The following MGAT4C variants were observed in gnomAD, a reference collection of about 807,000 sequenced individuals.
MGAT4C encodes the protein MGAT4 family member C.
In MGAT4C, 19 loss-of-function variants were observed where a neutral mutation model predicts 40.1. The observed-to-expected ratio is 0.47, with a 90% CI of 0.33 to 0.70. The LOEUF (loss-of-function observed/expected upper bound fraction) is 0.70. MGAT4C is among the 30% of genes least tolerant of loss of function. The pLI, the probability that MGAT4C is intolerant of heterozygous loss-of-function variation, is 0.02. For synonymous variants in MGAT4C, 181 were observed against 187.1 expected (o/e 0.97, Z 0.27); for missense variants, 491 against 563.2 (o/e 0.87, Z 1.30).
In MGAT4C at chr12:86,499,088, A is replaced by G. The variant is rs78331120; in HGVS notation, c.-228-63823T>C. Among the ~76,000 whole-genome samples, 63 of 151,820 alleles carry G rather than the reference A, an allele frequency of 4.1e-4. No individual in the cohort carries two copies. In the East Asian group the frequency reaches 0.011, roughly 27 times the overall value. On this transcript the variant is annotated intron_variant, in intron 2 of 7. Transcript: ENST00000548651. Reference sequence around the variant, plus strand: ...TTAGAAATGTTGTCTTTTTTATTTTACTTTGTGTTAAGAATACAGTATGTA... The same window carrying G: ...TTAGAAATGTTGTCTTTTTTATTTTGCTTTGTGTTAAGAATACAGTATGTA...
At chr12:86,821,257 G>T (rs537632241) in intron 1 of MGAT4C, among the ~76,000 whole-genome samples, 40 of 150,874 alleles carry the variant, frequency 2.7e-4, no homozygotes, top group African/African-American at 9.2e-4. Context: ...AACTATAAAA[G>T]TTCCTGTCCA....
At chr12:86,739,857 AACAC>A (rs751754678) in intron 1 of MGAT4C, among the ~76,000 whole-genome samples, 4 of 149,154 alleles carry the variant, frequency 2.7e-5, no homozygotes, top group Middle Eastern at 3.4e-3. Context: ...TATGCACACA[AACAC>A]ACACACACAC....
At chr12:86,319,011 C>T (rs1483686868) in intron 4 of MGAT4C, among the ~76,000 whole-genome samples, 2 of 152,104 alleles carry the variant, frequency 1.3e-5, no homozygotes, top group Non-Finnish European at 2.9e-5. Flanking sequence ...ACATCTATCA[C>T]CCAAGCTCTA....
chr12:86,484,958 C>G (rs1048574457), intron 2 of MGAT4C, among the ~76,000 whole-genome samples: 1 of 152,136 alleles, frequency 6.6e-6, no homozygotes, highest in Non-Finnish European at 1.5e-5. Flanking sequence ...CTCTTAAGCA[C>G]CATCTACTAG....
At position 86,580,074 on chromosome 12, in the gene MGAT4C, GAT is replaced by G. The variant is rs933857185; in HGVS notation, c.-228-144811_-228-144810del. 4.0e-5 allele frequency among the ~76,000 whole-genome samples: 6 copies of G among 151,340 alleles called. No homozygotes were observed. In the Admixed American group the frequency reaches 4.0e-4, roughly 10 times the overall value. ...TATAATCTTCTTGTACTTGGATATT[GAT>G]ATCTTTCTCTAGGTTTGGGATTAAA... is the stretch of plus-strand genomic sequence containing the variant. On this transcript the variant is annotated intron_variant, in intron 2 of 7. Transcript: ENST00000548651.
chr12:86,052,594 T>G (rs1027391451), intron 1 of MGAT4C, among the ~76,000 whole-genome samples: 7 of 151,972 alleles, frequency 4.6e-5, no homozygotes, highest in African/African-American at 1.7e-4. Flanking sequence ...TTGACCACAC[T>G]ACATCACTCA....
At chr12:86,373,031 A>G (rs1350506316) in intron 3 of MGAT4C, among the ~76,000 whole-genome samples, 1 of 151,394 alleles carries the variant, frequency 6.6e-6, no homozygotes, top group Non-Finnish European at 1.5e-5. Flanking sequence ...AAGGCAAAAG[A>G]AGGCAACAAT....
chr12:85,999,516 A>G (rs1383327109), intron 2 of MGAT4C, among the ~76,000 whole-genome samples: 2 of 151,946 alleles, frequency 1.3e-5, no homozygotes, highest in Non-Finnish European at 2.9e-5. Context: ...ACAATAGCCA[A>G]GATAAGGAAT....
At chr12:86,147,842 A>T (rs888312805) in intron 1 of MGAT4C, among the ~76,000 whole-genome samples, 3 of 152,168 alleles carry the variant, frequency 2.0e-5, no homozygotes. Context: ...GTAAATTATG[A>T]TATATAGGTA....
intron 1 of MGAT4C, among the ~76,000 whole-genome samples, chr12:86,087,517 T>C (rs1872090042): frequency 1.3e-5 from 2 of 152,060 alleles, no homozygotes; most frequent in South Asian, 4.1e-4. Context: ...AGTTTGGACA[T>C]TGTTGGTGTA....
At chr12:86,585,836 C>G (rs149290246) in intron 2 of MGAT4C, among the ~76,000 whole-genome samples, 251 of 150,426 alleles carry the variant, frequency 1.7e-3, no homozygotes, top group African/African-American at 5.7e-3. Flanking sequence ...GAGCTGATCA[C>G]CTTTTAACTG....
rs943418862 is a variant in MGAT4C at position 85,960,496 on chromosome 12, G to A, written c.*18793C>T. ...AAAAATGTAAAACAACAATTAGCAT[G>A]TGACATGCTCTCAGCAAATCAATTA... On this transcript the variant is annotated 3_prime_UTR_variant, in exon 5 of 5. Transcript: ENST00000611864. 1.3e-5 allele frequency: 2 copies of A among 151,990 alleles called. No homozygotes were observed. The highest frequency in any genetic ancestry group is 4.8e-5 in the African/African-American group (2 of 41,438). The allele number at this position is 151,990 out of a possible 1,614,324, so 9.4% of individuals were successfully genotyped here.
chr12:86,812,746 A>G (rs1952501860), intron 1 of MGAT4C, among the ~76,000 whole-genome samples: 1 of 152,032 alleles, frequency 6.6e-6, no homozygotes, highest in Admixed American at 6.6e-5. Flanking sequence ...GAAGAGTCTC[A>G]GGTCTACTAA....
At chr12:86,690,536 G>A (rs574144543) in intron 2 of MGAT4C, among the ~76,000 whole-genome samples, 15 of 152,296 alleles carry the variant, frequency 9.8e-5, no homozygotes, top group African/African-American at 3.1e-4. Flanking sequence ...TCAAGGCACA[G>A]TCCCTCAAGG....
chr12:86,434,924 T>C (rs1261080536), intron 3 of MGAT4C, among the ~76,000 whole-genome samples: 2 of 151,932 alleles, frequency 1.3e-5, no homozygotes, highest in Non-Finnish European at 2.9e-5. Flanking sequence ...AAGAGTAGTT[T>C]AAGACTTCCC....
intron 4 of MGAT4C, among the ~76,000 whole-genome samples, chr12:86,271,793 T>C (rs1213816470): frequency 3.3e-5 from 5 of 152,208 alleles, no homozygotes; most frequent in Admixed American, 3.3e-4. Flanking sequence ...TTGGTATATA[T>C]ACAGCATGGA....
intron 1 of MGAT4C, among the ~76,000 whole-genome samples, chr12:86,092,658 T>C (rs1456864159): frequency 1.3e-5 from 2 of 152,138 alleles, no homozygotes; most frequent in African/African-American, 2.4e-5. Flanking sequence ...AAGAGGACGC[T>C]GGATCTTAAC....
chr12:86,673,323 G>C (rs952210540), intron 2 of MGAT4C, among the ~76,000 whole-genome samples: 1 of 152,076 alleles, frequency 6.6e-6, no homozygotes, highest in Non-Finnish European at 1.5e-5. Flanking sequence ...TAAATACTTA[G>C]AATATATACT....
chr12:86,692,997 G>A (rs1266889506), intron 2 of MGAT4C, among the ~76,000 whole-genome samples: 1 of 152,066 alleles, frequency 6.6e-6, no homozygotes, highest in Non-Finnish European at 1.5e-5. Flanking sequence ...GCCTGACGGA[G>A]TGGTCCTTCA....
Sources: allele counts gnomAD v4.1 joint callset (sites outside exome capture counted in the v4.1 genomes callset), GRCh38; gene constraint gnomAD v4.1.1; transcripts MANE v1.5; gene names NCBI Gene and HGNC (gene_info 2026-07-23, HGNC 2026-07-21).